Variants in MTHFSD observed in about 807,000 individuals in gnomAD.
MTHFSD encodes the protein methenyltetrahydrofolate synthetase domain containing.
Under a neutral mutation model 31.1 loss-of-function variants are expected in MTHFSD, and 37 were observed. The observed-to-expected ratio is 1.19, with a 90% confidence interval of 0.91 to 1.56. MTHFSD has a LOEUF of 1.56. MTHFSD is among the 40% of genes most tolerant of loss of function. MTHFSD has a pLI of 0.00. For missense variants in MTHFSD, 664 were observed against 510.1 expected, an observed-to-expected ratio of 1.30 and a Z score of -2.91; for synonymous variants, 221 against 206.9, an observed-to-expected ratio of 1.07 and a Z score of -0.59.
At position 86,552,127 on chromosome 16, in the gene MTHFSD, T is replaced by C; in HGVS notation, c.143A>G (p.Gln48Arg). Residue 48 changes from glutamine (Q) to arginine (R), a missense_variant, in exon 3 of 8, where the codon CAA becomes CGA. Coordinates refer to ENST00000360900, the MANE Select transcript of MTHFSD (RefSeq NM_001159377.2). Reference sequence around the variant, plus strand: ...AAAAACGTCTAGGTCTTTGATGTTTTGGCAAGCCAGATAAGACCCCTAGTT... The same window carrying C: ...AAAAACGTCTAGGTCTTTGATGTTTCGGCAAGCCAGATAAGACCCCTAGTT... ...PNFKGSYLACQNIKDLDVFAR... is the reference protein window; with the variant it reads ...PNFKGSYLACRNIKDLDVFAR... The C allele has an allele frequency of 2.5e-6, 4 of 1,614,198 alleles. No individual in the cohort carries two copies. The highest frequency in any genetic ancestry group is 4.5e-5 in the East Asian group (2 of 44,882).
chr16:86,539,599 C>T (rs1039267961), intron 7 of MTHFSD, among the ~76,000 whole-genome samples: 2 of 152,154 alleles, frequency 1.3e-5, no homozygotes, highest in African/African-American at 4.8e-5. Flanking sequence ...TCACTGGCCA[C>T]CTGGTTTCCT....
intron 5 of MTHFSD, among the ~76,000 whole-genome samples, chr16:86,543,657 GC>G (rs1298251251): frequency 2.6e-5 from 4 of 152,162 alleles, no homozygotes; most frequent in Non-Finnish European, 5.9e-5. Context: ...CTCTGTGTGT[GC>G]CACCGTCCCT....
chr16:86,550,040 C>G (rs545266112), intron 3 of MTHFSD, among the ~76,000 whole-genome samples: 1 of 152,340 alleles, frequency 6.6e-6, no homozygotes, highest in East Asian at 1.9e-4. Context: ...TGAGGTTGTG[C>G]GTGCCCCCAG....
rs1160296864 is a variant in MTHFSD, at chr16:86,542,993, A to C, written c.443-780T>G. Among the ~76,000 whole-genome samples, 1 of 152,236 alleles carries C rather than the reference A, an allele frequency of 6.6e-6. No individual in the cohort carries two copies. Among genetic ancestry groups the C allele is most frequent in the Non-Finnish European group, 1.5e-5 (1 of 68,038 alleles). On this transcript the variant is annotated intron_variant, in intron 5 of 7. Transcript: ENST00000360900. This position sits in a 1 kb window ranked among gnomAD's most constrained non-coding sequence, Gnocchi z 4.6. The stretch of plus-strand genomic sequence containing the variant: ...GCATCACCCGCAGAGCACCCGCATC[A>C]CTGCTGCCGTGTCTAAGACTCACAT...
rs781610842 is a variant in MTHFSD, at chr16:86,531,990, G to C, written c.*21C>G. On this transcript the variant is annotated 3_prime_UTR_variant, in exon 8 of 8. Coordinates refer to ENST00000360900, the MANE Select transcript of MTHFSD (RefSeq NM_001159377.2). The surrounding 1 kb of genome is among the most constrained non-coding windows in gnomAD (Gnocchi z 5.5). ...GACGGGGATGGCGAGTCTGCAGTGAGCTCCGTGGCTGTCCACGAGGTCACT... is the reference window on the plus strand; with the variant it reads ...GACGGGGATGGCGAGTCTGCAGTGACCTCCGTGGCTGTCCACGAGGTCACT... 21 of 1,425,020 alleles carry C rather than the reference G, an allele frequency of 1.5e-5. No homozygotes were observed. In the African/African-American group the frequency reaches 3.0e-4, roughly 21 times the overall value. The allele number at this position is 1,425,020 out of a possible 1,614,324, so 88.3% of individuals were successfully genotyped here. A position where few individuals can be genotyped will look rare whatever the true frequency, so the allele number is the denominator to read the frequency against.
intron 7 of MTHFSD, among the ~76,000 whole-genome samples, chr16:86,534,448 T>A (rs3950702): frequency 6.6e-6 from 1 of 152,028 alleles, no homozygotes; most frequent in South Asian, 2.1e-4. Flanking sequence ...TGAGAATGCT[T>A]GCTTCTGCCA....
chr16:86,554,160 A>G (rs1973671154), intron 2 of MTHFSD, among the ~76,000 whole-genome samples: 2 of 152,216 alleles, frequency 1.3e-5, no homozygotes, highest in Admixed American at 6.5e-5. Context: ...TTTGCAATAA[A>G]TCTTGCTGCT....
intron 2 of MTHFSD, chr16:86,552,387 G>T: frequency 9.6e-7 from 1 of 1,039,744 alleles, no homozygotes; most frequent in Non-Finnish European, 1.4e-6. Context: ...ACCCAGACAG[G>T]CACTAACAGT....
At position 86,531,690 on chromosome 16, in the gene MTHFSD, C is replaced by A; in HGVS notation, c.*321G>T. On this transcript the variant is annotated 3_prime_UTR_variant, in exon 8 of 8. Coordinates refer to ENST00000360900, the MANE Select transcript of MTHFSD (RefSeq NM_001159377.2). This position sits in a 1 kb window ranked among gnomAD's most constrained non-coding sequence, Gnocchi z 5.5. ...CGAGATCACCTTCACATCACCCTCCCCTGCTTAGCCACTCACTCAGTCCCT... is the reference window on the plus strand; with the variant it reads ...CGAGATCACCTTCACATCACCCTCCACTGCTTAGCCACTCACTCAGTCCCT... The A allele has an allele frequency of 4.3e-6, 1 of 232,300 alleles. No individual in the cohort carries two copies. 14.4% of individuals were successfully genotyped at this position (232,300 alleles called of 1,614,324 possible).
At chr16:86,543,498 C>G (rs573878773) in intron 5 of MTHFSD, among the ~76,000 whole-genome samples, 14 of 152,200 alleles carry the variant, frequency 9.2e-5, no homozygotes, top group Admixed American at 2.0e-4. Context: ...TAACTCATAA[C>G]GTATGCATCC....
At chr16:86,554,920 G>T in intron 1 of MTHFSD, 169 bp from the exon 2 acceptor site, 2 of 1,102,440 alleles carry the variant, frequency 1.8e-6, no homozygotes, top group South Asian at 1.6e-5. Flanking sequence ...TCCCCCACGT[G>T]CACGGCAGGT....
At chr16:86,549,177 G>A (rs760371069) in intron 3 of MTHFSD, among the ~76,000 whole-genome samples, 3 of 152,184 alleles carry the variant, frequency 2.0e-5, no homozygotes, top group Non-Finnish European at 4.4e-5. Flanking sequence ...GAGGGCCCTG[G>A]GCCAGCGCAT....
At chr16:86,550,329 T>G (rs1972958637) in intron 3 of MTHFSD, among the ~76,000 whole-genome samples, 1 of 152,252 alleles carries the variant, frequency 6.6e-6, no homozygotes, top group Non-Finnish European at 1.5e-5. Context: ...CAGTTGTTTC[T>G]TCAGCCTGAA....
chr16:86,545,483 A>C (rs190728839), intron 5 of MTHFSD, among the ~76,000 whole-genome samples: 99 of 152,126 alleles, frequency 6.5e-4, no homozygotes, highest in African/African-American at 2.3e-3. Flanking sequence ...TCCCACCACC[A>C]AGAGCCCAAG....
chr16:86,541,145 T>C (rs1233891538), intron 7 of MTHFSD: 46 of 1,287,888 alleles, frequency 3.6e-5, no homozygotes, highest in Non-Finnish European at 4.4e-5. Flanking sequence ...CAGGCTGATT[T>C]GCAGGGTCAA....
Position 86,537,977 on chromosome 16 carries a change from G to A in MTHFSD, c.681+3720C>T, listed in dbSNP as rs577431636. Among the ~76,000 whole-genome samples, 7 of 152,348 alleles carry A rather than the reference G, an allele frequency of 4.6e-5. No individual in the cohort carries two copies. In the South Asian group the frequency reaches 1.2e-3, roughly 27 times the overall value. On this transcript the variant is annotated intron_variant, in intron 7 of 7. Transcript: ENST00000360900. ...TAATCAGGAGCCATGTGCTGATGGT[G>A]AGGAGCACAGGACGGGTGAGAAGAT...
chr16:86,540,845 A>G (rs951809966), intron 7 of MTHFSD: 45 of 1,055,076 alleles, frequency 4.3e-5, no homozygotes, highest in Middle Eastern at 4.5e-4. Context: ...TCAGCGGCCA[A>G]CCGAGGAGTG....
At position 86,542,960 on chromosome 16, in the gene MTHFSD, C is replaced by T. The variant is rs529210928; in HGVS notation, c.443-747G>A. On this transcript the variant is annotated intron_variant, in intron 5 of 7. Coordinates refer to ENST00000360900, the MANE Select transcript of MTHFSD (RefSeq NM_001159377.2). The surrounding 1 kb of genome is among the most constrained non-coding windows in gnomAD (Gnocchi z 4.6). ...TTCAGAAACTGAGGCCAGCGAGTGC[C>T]ACCAGCAGCATCACCCGCAGAGCAC... Among the ~76,000 whole-genome samples the T allele has an allele frequency of 6.6e-6, 1 of 152,274 alleles. No individual in the cohort carries two copies. The highest frequency in any genetic ancestry group is 2.1e-4 in the South Asian group (1 of 4,818).
intron 7 of MTHFSD, among the ~76,000 whole-genome samples, chr16:86,534,643 T>C (rs1970425682): frequency 6.6e-6 from 1 of 152,250 alleles, no homozygotes; most frequent in Non-Finnish European, 1.5e-5. Flanking sequence ...TGAAGGATCT[T>C]TTAAATTACC....
Sources: allele counts gnomAD v4.1 joint callset (sites outside exome capture counted in the v4.1 genomes callset), GRCh38; gene constraint gnomAD v4.1.1; non-coding constraint Gnocchi (gnomAD v3.1); transcripts MANE v1.5; gene names NCBI Gene and HGNC (gene_info 2026-07-23, HGNC 2026-07-21).